AMOT: variants seen among roughly 807,000 people sequenced by gnomAD.
The protein encoded by AMOT is angiomotin.
A neutral mutation model predicts 67.0 loss-of-function variants in AMOT; 11 were observed. The ratio of observed to expected loss-of-function variants is 0.16; its 90% confidence interval spans 0.10 to 0.27. AMOT has a LOEUF of 0.27. AMOT is among the 10% of genes least tolerant of loss of function. AMOT has a pLI of 1.00. For synonymous variants in AMOT, 326 were observed against 321.4 expected, an observed-to-expected ratio of 1.01 and a Z score of -0.15; for missense variants, 753 against 852.0, an observed-to-expected ratio of 0.88 and a Z score of 1.45.
intron 8 of AMOT, among the ~76,000 whole-genome samples, chrX:112,794,196 C>T (rs745870863): frequency 5.4e-5 from 6 of 111,513 alleles, no homozygotes; most frequent in Admixed American, 1.9e-4. Flanking sequence ...TCCAGGGCCA[C>T]GTGGATTTCT....
chrX:112,778,530 A>C lies in AMOT; in HGVS notation c.*37T>G. 8.8e-7 allele frequency: 1 copy of C among 1,137,929 alleles called. No individual in the cohort carries two copies. Among genetic ancestry groups the C allele is most frequent in the Non-Finnish European group, 1.2e-6 (1 of 836,443 alleles). The allele number at this position is 1,137,929 out of a possible 1,213,427, so 93.8% of individuals were successfully genotyped here. A position where few individuals can be genotyped will look rare whatever the true frequency, so the allele number is the denominator to read the frequency against. ...TAAAAGGGGGAAAATGATTAAAAGC[A>C]TTTTTGCTGATAATCTGCAGCTCTT... On this transcript the variant is annotated 3_prime_UTR_variant, in exon 14 of 14. Transcript: ENST00000371959.
At position 112,791,879 on chromosome X, in the gene AMOT, G is replaced by C; in HGVS notation, c.1879C>G (p.Leu627Val). The C allele has an allele frequency of 3.3e-6, 4 of 1,211,933 alleles. No individual in the cohort carries two copies. Among genetic ancestry groups the C allele is most frequent in the Non-Finnish European group, 4.5e-6 (4 of 895,563 alleles). Residue 627 changes from leucine (L) to valine (V), a missense_variant, in exon 9 of 14, where the codon CTC becomes GTC. Transcript: ENST00000371959. ...CEKREQLEHR[L>V]RTRLERELES... is the part of the protein sequence containing the mutation. ...AGTTCCCTCTCCAGTCGTGTCCGGA[G>C]ACGGTGCTCTAGCTGCTCACGTTTT...
At chrX:112,785,950 T>C (rs1284494945) in intron 10 of AMOT, among the ~76,000 whole-genome samples, 1 of 112,325 alleles carries the variant, frequency 8.9e-6, no homozygotes, top group Non-Finnish European at 1.9e-5. Context: ...AAGGCTCTTT[T>C]GGAAAGCACT....
In AMOT at chrX:112,775,817, C is replaced by A. The variant is rs953739255; in HGVS notation, c.*2750G>T. On this transcript the variant is annotated 3_prime_UTR_variant, in exon 14 of 14. Transcript: ENST00000371959. ...GATCACCAAGCAGTACAAGCTAAGA[C>A]AACCTGGTCACCCTCCTTTCCTGAG... 1.3e-4 allele frequency: 14 copies of A among 111,988 alleles called. No homozygotes were observed. Among genetic ancestry groups the A allele is most frequent in the African/African-American group, 4.2e-4 (13 of 30,709 alleles). 9.2% of individuals were successfully genotyped at this position (111,988 alleles called of 1,213,427 possible). A position where few individuals can be genotyped will look rare whatever the true frequency, so the allele number is the denominator to read the frequency against.
intron 5 of AMOT, among the ~76,000 whole-genome samples, chrX:112,812,609 CCA>C (rs1934406428): frequency 8.9e-6 from 1 of 112,002 alleles, no homozygotes; most frequent in East Asian, 2.8e-4. Flanking sequence ...CATATAATAG[CCA>C]CACAGATATT....
intron 10 of AMOT, among the ~76,000 whole-genome samples, chrX:112,789,070 T>C (rs1933480497): frequency 9.0e-6 from 1 of 111,187 alleles, no homozygotes. Flanking sequence ...CCATGAACCG[T>C]AGCTTTCTAG....
Position 112,778,378 on chromosome X carries a change from T to A in AMOT, c.*189A>T. The stretch of plus-strand genomic sequence containing the variant: ...TTAATCTGTCTTTAGAGGTACTCCC[T>A]AAGCATACCAAAATAGACTGGTGTT... On this transcript the variant is annotated 3_prime_UTR_variant, in exon 14 of 14. Coordinates refer to ENST00000371959, the MANE Select transcript of AMOT (RefSeq NM_001113490.2). The A allele has an allele frequency of 2.6e-6, 1 of 391,285 alleles. No homozygotes were observed. The allele number at this position is 391,285 out of a possible 1,213,427, so 32.2% of individuals were successfully genotyped here.
rs758499922 is a variant in AMOT, at chrX:112,794,375, T to C, written c.1777-2394A>G. Among the ~76,000 whole-genome samples, 191 of 112,080 alleles carry C rather than the reference T, an allele frequency of 1.7e-3. 1 individual carries two copies. Among genetic ancestry groups the C allele is most frequent in the Non-Finnish European group, 3.0e-3 (158 of 53,231 alleles). On this transcript the variant is annotated intron_variant, in intron 8 of 13. Coordinates refer to ENST00000371959, the MANE Select transcript of AMOT (RefSeq NM_001113490.2). ...AAAGCAAGCCAAAAAATATCTCATT[T>C]TGATTTGCCACTGGGATGATTTTCC...
intron 2 of AMOT, among the ~76,000 whole-genome samples, chrX:112,827,817 A>G (rs969704217): frequency 2.7e-5 from 3 of 111,598 alleles, no homozygotes; most frequent in African/African-American, 9.8e-5. Flanking sequence ...TAAATTTTGC[A>G]ATATGCCTAT....
chrX:112,834,598 C>A (rs562849317), intron 1 of AMOT, among the ~76,000 whole-genome samples: 1 of 112,036 alleles, frequency 8.9e-6, no homozygotes, highest in Non-Finnish European at 1.9e-5. Flanking sequence ...AAATGAGCCA[C>A]GAATTGTACA....
chrX:112,833,276 T>TA (rs1000557291), intron 1 of AMOT, among the ~76,000 whole-genome samples: 14 of 110,502 alleles, frequency 1.3e-4, no homozygotes, highest in Admixed American at 6.7e-4. Flanking sequence ...CTCACCCCCC[T>TA]AAAAAAAGGT....
chrX:112,780,750 A>G (rs1337514287), intron 12 of AMOT, 136 bp downstream of exon 12: 5 of 615,641 alleles, frequency 8.1e-6, no homozygotes, highest in Non-Finnish European at 1.2e-5. Context: ...TCTCAGGAGG[A>G]AAAAAAAACT....
chrX:112,827,895 C>T (rs1035300382), intron 2 of AMOT, among the ~76,000 whole-genome samples: 1 of 111,795 alleles, frequency 8.9e-6, no homozygotes, highest in African/African-American at 3.3e-5. Context: ...TTCTACCAAC[C>T]AGGATAAAGA....
intron 4 of AMOT, among the ~76,000 whole-genome samples, chrX:112,817,736 C>T (rs1412983577): frequency 8.9e-6 from 1 of 111,898 alleles, no homozygotes; most frequent in East Asian, 2.8e-4. Context: ...AGAGGGCATG[C>T]GAACTATTTG....
Position 112,777,928 on chromosome X carries a change from T to G in AMOT, c.*639A>C, listed in dbSNP as rs1006357248. The G allele has an allele frequency of 6.2e-5, 7 of 112,189 alleles. No individual in the cohort carries two copies. Among genetic ancestry groups the G allele is most frequent in the African/African-American group, 2.3e-4 (7 of 30,742 alleles). 9.2% of individuals were successfully genotyped at this position (112,189 alleles called of 1,213,427 possible). A position where few individuals can be genotyped will look rare whatever the true frequency, so the allele number is the denominator to read the frequency against. On this transcript the variant is annotated 3_prime_UTR_variant, in exon 14 of 14. Transcript: ENST00000371959. Reference sequence around the variant, plus strand: ...AACCTCCAGGAGGGAACCAAAAGAATCCATTTCCAAAGCACCACTGAAATG... The same window carrying G: ...AACCTCCAGGAGGGAACCAAAAGAAGCCATTTCCAAAGCACCACTGAAATG...
In AMOT at chrX:112,779,227, G is replaced by A. The variant is rs184054972; in HGVS notation, c.2927C>T (p.Pro976Leu). The change falls in exon 13 of 14, where the codon CCG (proline) becomes CTG (leucine). Residue 976 changes from proline (P) to leucine (L), a missense_variant. Pro to Leu is a moderately conservative substitution (Grantham distance 98). Transcript: ENST00000371959. ...CAGAGCCGGAGCTGGAACTGGAGCC[G>A]GAGCAGCTGGAGCAACCTGAACAGC... ...AAAVQVAPAA[P>L]APVPAPALVP... The A allele has an allele frequency of 5.7e-5, 38 of 668,375 alleles. No individual in the cohort carries two copies. The East Asian group carries it at 1.1e-3, about 19-fold the overall frequency. The allele number at this position is 668,375 out of a possible 1,213,427, so 55.1% of individuals were successfully genotyped here. A position where few individuals can be genotyped will look rare whatever the true frequency, so the allele number is the denominator to read the frequency against.
chrX:112,778,570 G>C lies in AMOT; in HGVS notation c.3252C>G (p.Ile1084Met), dbSNP rs1316135736. 8.3e-7 allele frequency: 1 copy of C among 1,198,136 alleles called. No homozygotes were observed. Among genetic ancestry groups the C allele is most frequent in the Non-Finnish European group, 1.1e-6 (1 of 888,136 alleles). ...CTGCAGCTCTTGATTTGGCCGTTTA[G>C]ATGAGATATTCCACCATCTCTGCAT... ...EPDAEMVEYLI is the reference protein window; with the variant it reads ...EPDAEMVEYLM Residue 1084 changes from isoleucine to methionine, a missense_variant, in exon 14 of 14, where the codon ATC (isoleucine) becomes ATG (methionine). Ile to Met is a conservative substitution (Grantham distance 10). Around this residue, in one of 5 missense-constraint regions of AMOT, gnomAD observed 269 missense variants for 300.9 expected, o/e 0.89. Coordinates refer to ENST00000371959, the MANE Select transcript of AMOT (RefSeq NM_001113490.2).
intron 4 of AMOT, chrX:112,819,477 T>C: frequency 3.0e-6 from 2 of 658,356 alleles, no homozygotes; most frequent in Non-Finnish European, 1.8e-6. Flanking sequence ...TAAACAAGGA[T>C]TTCAAGAAAC....
rs1168645419 is a variant in AMOT at position 112,777,779 on chromosome X, G to A, written c.*788C>T. On this transcript the variant is annotated 3_prime_UTR_variant, in exon 14 of 14. Transcript: ENST00000371959. ...CAACTCTCCATCAAGGCCTCTGATG[G>A]TCTAATTCCCTAAGAGAGAGGAAGT... 1 of 112,022 alleles carries A rather than the reference G, an allele frequency of 8.9e-6. No individual in the cohort carries two copies. Among genetic ancestry groups the A allele is most frequent in the Non-Finnish European group, 1.9e-5 (1 of 53,166 alleles). 9.2% of individuals were successfully genotyped at this position (112,022 alleles called of 1,213,427 possible). A position where few individuals can be genotyped will look rare whatever the true frequency, so the allele number is the denominator to read the frequency against.
Sources: gnomAD v4.1 joint callset for allele counts (sites outside exome capture counted in the v4.1 genomes callset) on GRCh38, gnomAD v4.1.1 for gene constraint, gnomAD v4.1.1 regional missense constraint, MANE v1.5 for transcripts, NCBI Gene and HGNC (gene_info 2026-07-23, HGNC 2026-07-21) for gene names.